Variants in CHSY3 observed in about 807,000 individuals in gnomAD.
CHSY3 encodes chondroitin sulfate synthase 3.
In CHSY3, 35 loss-of-function variants were observed where a neutral mutation model predicts 67.2. The observed-to-expected ratio is 0.52, with a 90% CI of 0.40 to 0.69. CHSY3 has a LOEUF of 0.69. Among genes scored for constraint, CHSY3 ranks in the 30% least tolerant of loss-of-function variants. CHSY3 has a pLI of 0.00. For synonymous variants in CHSY3, 474 were observed against 434.7 expected, an observed-to-expected ratio of 1.09 and a Z score of -1.12; for missense variants, 1,069 against 1,138.5, an observed-to-expected ratio of 0.94 and a Z score of 0.88.
chr5:129,945,111 G>A (rs960338426), intron 2 of CHSY3, among the ~76,000 whole-genome samples: 4 of 152,202 alleles, frequency 2.6e-5, no homozygotes, highest in Non-Finnish European at 5.9e-5. Flanking sequence ...TGGGCCATTT[G>A]TGCTTTAGTA....
intron 2 of CHSY3, among the ~76,000 whole-genome samples, chr5:129,961,650 A>G (rs927598169): frequency 4.6e-5 from 7 of 151,982 alleles, no homozygotes; most frequent in African/African-American, 1.4e-4. Flanking sequence ...TTCTTTGAGC[A>G]TAATTATTCA....
intron 2 of CHSY3, among the ~76,000 whole-genome samples, chr5:130,014,696 A>G (rs1764166781): frequency 6.6e-6 from 1 of 152,220 alleles, no homozygotes; most frequent in African/African-American, 2.4e-5. Flanking sequence ...AACCATATAT[A>G]AAAATTAACT....
At chr5:130,038,038 T>G (rs1486724532) in intron 2 of CHSY3, among the ~76,000 whole-genome samples, 1 of 152,120 alleles carries the variant, frequency 6.6e-6, no homozygotes, top group African/African-American at 2.4e-5. Context: ...TGATCTTTCA[T>G]TAGCCCCTGT....
intron 2 of CHSY3, among the ~76,000 whole-genome samples, chr5:129,956,867 C>G (rs991850325): frequency 2.0e-5 from 3 of 151,936 alleles, no homozygotes; most frequent in African/African-American, 7.3e-5. Context: ...GTTACTGTAG[C>G]TCTTTAGTAT....
intron 2 of CHSY3, among the ~76,000 whole-genome samples, chr5:129,987,462 T>C (rs1265372413): frequency 1.3e-5 from 2 of 152,360 alleles, no homozygotes; most frequent in African/African-American, 4.8e-5. Context: ...AGGAGATGTT[T>C]CTTAATTCGT....
chr5:130,072,692 G>GA (rs1766116395), intron 2 of CHSY3, among the ~76,000 whole-genome samples: 1 of 152,130 alleles, frequency 6.6e-6, no homozygotes, highest in Non-Finnish European at 1.5e-5. Context: ...CTATTTATAT[G>GA]AAAAAATGGC....
At chr5:130,012,834 C>A (rs1038534245) in intron 2 of CHSY3, among the ~76,000 whole-genome samples, 2 of 152,062 alleles carry the variant, frequency 1.3e-5, no homozygotes, top group Non-Finnish European at 2.9e-5. Flanking sequence ...TCAAAACACC[C>A]AAGTCATGCC....
chr5:130,127,840 A>T (rs1290998399), intron 2 of CHSY3, among the ~76,000 whole-genome samples: 4 of 152,132 alleles, frequency 2.6e-5, no homozygotes, highest in Non-Finnish European at 5.9e-5. Context: ...ATGCTTTATT[A>T]TGATTATGCA....
chr5:129,981,549 C>T (rs978928793), intron 2 of CHSY3, among the ~76,000 whole-genome samples: 15 of 152,042 alleles, frequency 9.9e-5, no homozygotes, highest in Admixed American at 6.5e-4. Flanking sequence ...AACAGGGTCT[C>T]ACTTGGACAC....
intron 2 of CHSY3, among the ~76,000 whole-genome samples, chr5:130,104,882 A>C (rs1480330944): frequency 6.6e-6 from 1 of 151,784 alleles, no homozygotes; most frequent in Non-Finnish European, 1.5e-5. Flanking sequence ...GTGGTACAGT[A>C]AAATTATGTA....
At chr5:129,945,684 A>C (rs764727328) in intron 2 of CHSY3, among the ~76,000 whole-genome samples, 40 of 152,138 alleles carry the variant, frequency 2.6e-4, no homozygotes, top group Non-Finnish European at 4.4e-4. Flanking sequence ...CGGGTAGGTA[A>C]AAATTGAGGA....
chr5:130,104,328 A>G (rs988865068), intron 2 of CHSY3, among the ~76,000 whole-genome samples: 2 of 151,914 alleles, frequency 1.3e-5, no homozygotes, highest in Non-Finnish European at 2.9e-5. Context: ...ATCCTTTCTC[A>G]CCGAAGAGTT....
At chr5:129,977,904 A>G (rs1167512362) in intron 2 of CHSY3, among the ~76,000 whole-genome samples, 1 of 152,022 alleles carries the variant, frequency 6.6e-6, no homozygotes, top group Non-Finnish European at 1.5e-5. Context: ...ACTTCAGAAC[A>G]ACAACAACAA....
At chr5:129,915,692 A>G (rs1561452709) in intron 2 of CHSY3, among the ~76,000 whole-genome samples, 1 of 152,140 alleles carries the variant, frequency 6.6e-6, no homozygotes, top group African/African-American at 2.4e-5. Flanking sequence ...TCTGTGTCTC[A>G]AAAAGTGGTG....
chr5:130,056,187 G>T (rs61008460), intron 2 of CHSY3, among the ~76,000 whole-genome samples: 1 of 151,866 alleles, frequency 6.6e-6, no homozygotes, highest in East Asian at 1.9e-4. Flanking sequence ...GTATCTGATG[G>T]CATGGAGTTG....
intron 2 of CHSY3, among the ~76,000 whole-genome samples, chr5:130,105,897 G>A (rs1342103408): frequency 2.6e-5 from 4 of 151,520 alleles, no homozygotes; most frequent in African/African-American, 9.7e-5. Context: ...TGATCAATAT[G>A]GATAGTTATA....
intron 2 of CHSY3, among the ~76,000 whole-genome samples, chr5:129,951,324 G>A (rs1236115933): frequency 2.0e-5 from 3 of 152,100 alleles, no homozygotes; most frequent in Non-Finnish European, 4.4e-5. Flanking sequence ...GCCCCATGAC[G>A]TTGGTCTTGG....
intron 2 of CHSY3, among the ~76,000 whole-genome samples, chr5:129,963,745 T>G (rs1217353184): frequency 6.6e-6 from 1 of 152,024 alleles, no homozygotes; most frequent in Non-Finnish European, 1.5e-5. Flanking sequence ...CATTTTCATT[T>G]TCTTCCACAG....
At chr5:129,953,178 G>C (rs1175712086) in intron 2 of CHSY3, among the ~76,000 whole-genome samples, 1 of 151,812 alleles carries the variant, frequency 6.6e-6, no homozygotes, top group Non-Finnish European at 1.5e-5. Context: ...CCCTTCCTGT[G>C]TCCATGTGTT....
Sources: gnomAD v4.1 joint callset for allele counts (sites outside exome capture counted in the v4.1 genomes callset) on GRCh38, gnomAD v4.1.1 for gene constraint, MANE v1.5 for transcripts, NCBI Gene and HGNC (gene_info 2026-07-23, HGNC 2026-07-21) for gene names.